Variants in ZP3 observed in about 807,000 individuals in gnomAD.
ZP3 encodes the protein zona pellucida glycoprotein 3, also known as zona pellucida sperm-binding protein 3.
A neutral mutation model predicts 35.6 loss-of-function variants in ZP3; 21 were observed. The ratio of observed to expected loss-of-function variants is 0.59; its 90% CI spans 0.42 to 0.85. ZP3 has a LOEUF of 0.85. ZP3 is among the 40% of genes least tolerant of loss of function. The probability of loss-of-function intolerance (pLI) is 0.00; values close to 1 mark genes in which losing one functional copy is unlikely to be tolerated. For synonymous variants in ZP3, 207 were observed against 214.5 expected (o/e 0.96, Z 0.31); for missense variants, 437 against 536.5 (o/e 0.81, Z 1.83).
chr7:76,432,035 TAA>T (rs35187653), intron 2 of ZP3, among the ~76,000 whole-genome samples: 5 of 147,076 alleles, frequency 3.4e-5, no homozygotes, highest in Admixed American at 6.8e-5. Context: ...GTTTTTTGTT[TAA>T]AAAAAAAAAG....
chr7:76,404,246 C>T, intron 1 of ZP3: 2 of 1,475,684 alleles, frequency 1.4e-6, no homozygotes, highest in Non-Finnish European at 1.8e-6. Flanking sequence ...TATAAAGTTA[C>T]AGCTGGGACA....
intron 5 of ZP3, among the ~76,000 whole-genome samples, chr7:76,436,025 G>A (rs905963224): frequency 4.6e-4 from 28 of 60,878 alleles, no homozygotes; most frequent in East Asian, 1.6e-3. Flanking sequence ...CGCGCCCCCC[G>A]CCCCCTTTTT....
At chr7:76,413,612 TTA>T (rs1186656466) in intron 1 of ZP3, among the ~76,000 whole-genome samples, 1 of 106,744 alleles carries the variant, frequency 9.4e-6, no homozygotes, top group East Asian at 5.7e-4. Flanking sequence ...AAACTTTTTT[TTA>T]AAAAAAAGCC....
intron 5 of ZP3, among the ~76,000 whole-genome samples, chr7:76,435,363 C>T (rs1387593504): frequency 2.0e-5 from 3 of 152,210 alleles, no homozygotes; most frequent in African/African-American, 7.2e-5. Context: ...CCATGTTGTC[C>T]AGGCTGGTCC....
upstream of ZP3, among the ~76,000 whole-genome samples, chr7:76,422,551 C>T (rs1185648938): frequency 6.6e-6 from 1 of 150,944 alleles, no homozygotes; most frequent in Non-Finnish European, 1.5e-5. Context: ...TGGTGGCAGG[C>T]GCCTGTAATC....
intron 1 of ZP3, among the ~76,000 whole-genome samples, chr7:76,409,960 GA>G (rs1391086065): frequency 1.6e-4 from 25 of 152,204 alleles, no homozygotes; most frequent in African/African-American, 5.8e-4. Flanking sequence ...ACAGTGTATG[GA>G]GTGGGTTTCC....
upstream of ZP3, among the ~76,000 whole-genome samples, chr7:76,423,063 GAAAGAA>G (rs1554624523): frequency 1.4e-5 from 2 of 145,864 alleles, no homozygotes; most frequent in Non-Finnish European, 3.0e-5. Context: ...AAGAAAGAAA[GAAAGAA>G]AGAAAGAAAG....
intron 1 of ZP3, among the ~76,000 whole-genome samples, chr7:76,415,141 C>G (rs112095234): frequency 0.023 from 3,520 of 151,214 alleles, 104 homozygotes; most frequent in East Asian, 0.13. Flanking sequence ...TTTGGAAGGC[C>G]GAGGTGGGCG....
At chr7:76,436,021 C>A (rs1462547246) in intron 5 of ZP3, among the ~76,000 whole-genome samples, 11 of 145,784 alleles carry the variant, frequency 7.5e-5, no homozygotes, top group African/African-American at 2.6e-4. Context: ...ACCACGCGCC[C>A]CCCGCCCCCT....
At chr7:76,436,052 T>C (rs1805996606) in intron 5 of ZP3, among the ~76,000 whole-genome samples, 14 of 67,408 alleles carry the variant, frequency 2.1e-4, no homozygotes, top group African/African-American at 4.7e-4. Flanking sequence ...TTTTTTTTTT[T>C]TTTTTTTTTT....
upstream of ZP3, among the ~76,000 whole-genome samples, chr7:76,423,191 AAGAGAGAGGG>A (rs1445213482): frequency 2.0e-5 from 3 of 148,412 alleles, no homozygotes; most frequent in African/African-American, 5.0e-5. Flanking sequence ...GAGAGAGGGA[AAGAGAGAGGG>A]AGAGAGAGGG....
At chr7:76,405,861 A>G (rs893329184) in intron 1 of ZP3, among the ~76,000 whole-genome samples, 2 of 152,002 alleles carry the variant, frequency 1.3e-5, no homozygotes, top group Non-Finnish European at 2.9e-5. Flanking sequence ...CCAGGGCTGC[A>G]CATTTGATTT....
intron 5 of ZP3, among the ~76,000 whole-genome samples, chr7:76,437,406 C>A (rs1296737237): frequency 1.3e-5 from 2 of 151,686 alleles, no homozygotes; most frequent in Non-Finnish European, 2.9e-5. Context: ...AAACTCCTGA[C>A]CTCAGGTGAT....
At chr7:76,413,367 G>A (rs10248583) in intron 1 of ZP3, among the ~76,000 whole-genome samples, 11,504 of 150,760 alleles carry the variant, frequency 0.076, 1,015 homozygotes, top group African/African-American at 0.21. Flanking sequence ...CGATCCTTCC[G>A]CCTCAGCCTC....
intron 1 of ZP3, among the ~76,000 whole-genome samples, chr7:76,406,494 A>G (rs898252019): frequency 6.6e-6 from 1 of 151,032 alleles, no homozygotes; most frequent in African/African-American, 2.4e-5. Context: ...TTTATTTTTT[A>G]TTTTTTACAG....
rs539795621 is a variant in ZP3, at chr7:76,431,768, G to A, written c.432-1159G>A. On this transcript the variant is annotated intron_variant, in intron 2 of 7. Coordinates refer to ENST00000394857, the MANE Select transcript of ZP3 (RefSeq NM_001110354.2). ...CAAAAAATTAGCCAGGCCTAGTGGC[G>A]GGTGCCTGTAGTCCCAGCTATTTGG... 1.1e-4 allele frequency among the ~76,000 whole-genome samples: 16 copies of A among 152,140 alleles called. No homozygotes were observed. In the East Asian group the frequency reaches 1.2e-3, roughly 11 times the overall value.
intron 5 of ZP3, among the ~76,000 whole-genome samples, chr7:76,438,557 A>AG (rs1554626490): frequency 0.036 from 5,040 of 141,020 alleles, no homozygotes; most frequent in Non-Finnish European, 0.058. Context: ...AAAAAAAAAA[A>AG]GGGTAGCGGG....
chr7:76,419,343 C>G (rs1805450745), intron 1 of ZP3, among the ~76,000 whole-genome samples: 1 of 152,144 alleles, frequency 6.6e-6, no homozygotes, highest in Non-Finnish European at 1.5e-5. Context: ...TTTAATCTAT[C>G]TAGAATTCAT....
intron 2 of ZP3, among the ~76,000 whole-genome samples, chr7:76,431,428 T>A (rs1316820290): frequency 6.6e-6 from 1 of 152,054 alleles, no homozygotes; most frequent in African/African-American, 2.4e-5. Flanking sequence ...GATACCTGAG[T>A]CTGGTTATCA....
Sources: gnomAD v4.1 joint callset for allele counts (sites outside exome capture counted in the v4.1 genomes callset) on GRCh38, gnomAD v4.1.1 for gene constraint, MANE v1.5 for transcripts, NCBI Gene and HGNC (gene_info 2026-07-23, HGNC 2026-07-21) for gene names.